The following TRRAP variants were observed in gnomAD, a reference collection of about 807,000 sequenced individuals.
The protein encoded by TRRAP is transformation/transcription domain-associated protein.
A neutral mutation model predicts 438.8 loss-of-function variants in TRRAP; 41 were observed. The ratio of observed to expected loss-of-function variants is 0.09; its 90% confidence interval spans 0.07 to 0.12. The LOEUF (loss-of-function observed/expected upper bound fraction) is 0.12. Ranked by LOEUF, TRRAP falls within the 10% of genes least tolerant of loss-of-function variation. TRRAP has a pLI of 1.00. For missense variants in TRRAP, 3,122 were observed against 5,055.1 expected, an observed-to-expected ratio of 0.62 and a Z score of 11.60; for synonymous variants, 1,994 against 1,962.9, an observed-to-expected ratio of 1.02 and a Z score of -0.42.
chr7:98,979,009 A>G (rs1792791958), intron 58 of TRRAP, 105 bp downstream of exon 58: 2 of 1,452,868 alleles, frequency 1.4e-6, no homozygotes, highest in South Asian at 2.4e-5. Flanking sequence ...TGGCAGTGGA[A>G]AGACAGCTTT....
intron 10 of TRRAP, 35 bp downstream of exon 10, chr7:98,899,802 T>C (rs1796393350): frequency 1.3e-6 from 2 of 1,599,114 alleles, no homozygotes; most frequent in East Asian, 4.5e-5. Context: ...CCACAGTGCC[T>C]GGATTCCAAG....
intron 5 of TRRAP, 100 bp downstream of exon 5, chr7:98,892,628 C>A: frequency 9.8e-7 from 1 of 1,022,698 alleles, no homozygotes; most frequent in Non-Finnish European, 1.4e-6. Context: ...TTTTATCTTT[C>A]TCCCAAATTC....
At chr7:98,958,356 G>A (rs184411194) in intron 44 of TRRAP, among the ~76,000 whole-genome samples, 10 of 151,912 alleles carry the variant, frequency 6.6e-5, no homozygotes, top group African/African-American at 2.2e-4. Context: ...AGGCTGGAGT[G>A]CAGTGGTGCG....
At chr7:99,008,990 C>G (rs1032822018) in intron 70 of TRRAP, among the ~76,000 whole-genome samples, 1 of 152,156 alleles carries the variant, frequency 6.6e-6, no homozygotes, top group African/African-American at 2.4e-5. Flanking sequence ...AGGCGATGTG[C>G]AGCATGTGTG....
Position 98,951,042 on chromosome 7 carries a change from G to A in TRRAP, c.5463+38G>A, listed in dbSNP as rs782290796. ...TGTGTGTGGGTGTGAGAAGTAGCCT[G>A]GCATGTGGATGAACATCTGTGTGTG... On this transcript the variant is annotated intron_variant, in intron 39 of 72. Transcript: ENST00000456197. The A allele has an allele frequency of 3.0e-5, 44 of 1,478,686 alleles. No individual in the cohort carries two copies. The East Asian group carries it at 1.0e-3, about 35-fold the overall frequency. 91.6% of individuals were successfully genotyped at this position (1,478,686 alleles called of 1,614,324 possible).
rs1796901125 is a variant in TRRAP, at chr7:98,908,620, G to GC, written c.1116-106dup. 3.3e-5 allele frequency: 32 copies of GC among 968,596 alleles called. 1 individual carries two copies. In the South Asian group the frequency reaches 4.3e-4, roughly 13 times the overall value. The allele number at this position is 968,596 out of a possible 1,614,324, so 60.0% of individuals were successfully genotyped here. A position where few individuals can be genotyped will look rare whatever the true frequency, so the allele number is the denominator to read the frequency against. ...TGGTGAAAATGGGCCATGTAAGTGT[G>GC]CCGACCCAGGGGTGGTGTTCCTGGG... is the stretch of plus-strand genomic sequence containing the variant. On this transcript the variant is annotated intron_variant, in intron 13 of 72. Coordinates refer to ENST00000456197, the MANE Select transcript of TRRAP (RefSeq NM_001375524.1). This position sits in a 1 kb window ranked among gnomAD's most constrained non-coding sequence, Gnocchi z 4.1.
chr7:98,996,518 G>A (rs1276626821), intron 67 of TRRAP, among the ~76,000 whole-genome samples: 1 of 152,124 alleles, frequency 6.6e-6, no homozygotes, highest in Non-Finnish European at 1.5e-5. Flanking sequence ...AGATTTGTCT[G>A]GTACAGTTTC....
chr7:98,985,846 T>C (rs1562971956), intron 62 of TRRAP, among the ~76,000 whole-genome samples: 1 of 152,220 alleles, frequency 6.6e-6, no homozygotes, highest in African/African-American at 2.4e-5. Context: ...TAGTGGGTTT[T>C]AGTATATTTA....
chr7:98,890,455 A>G lies in TRRAP; in HGVS notation c.261+10A>G, dbSNP rs1584270886. ...GGAGAAACCAGCACAGGTAATGTAA[A>G]AAAATAACATGAGAAGACAAGGGTG... On this transcript the variant is annotated intron_variant, in intron 4 of 72. Transcript: ENST00000456197. 1 of 1,555,052 alleles carries G rather than the reference A, an allele frequency of 6.4e-7. No homozygotes were observed. Among genetic ancestry groups the G allele is most frequent in the African/African-American group, 1.4e-5 (1 of 72,098 alleles).
intron 12 of TRRAP, among the ~76,000 whole-genome samples, chr7:98,904,885 C>G (rs1796651524): frequency 6.6e-6 from 1 of 152,206 alleles, no homozygotes; most frequent in African/African-American, 2.4e-5. Context: ...AAAACGTCCA[C>G]TTCCACCAAC....
At chr7:98,890,247 T>C (rs1795906133) in intron 3 of TRRAP, 88 bp from the exon 4 acceptor site, 2 of 815,966 alleles carry the variant, frequency 2.5e-6, no homozygotes, top group Non-Finnish European at 3.4e-6. Context: ...AAATGTTTTA[T>C]ATTCCTTTGC....
At chr7:98,945,853 T>G in intron 32 of TRRAP, 53 bp downstream of exon 32, 1 of 1,575,838 alleles carries the variant, frequency 6.3e-7, no homozygotes, top group Non-Finnish European at 8.5e-7. Flanking sequence ...GAAGAAAAGT[T>G]TACCTTTTCT....
At chr7:98,937,330 G>C in intron 29 of TRRAP, 53 bp downstream of exon 29, 1 of 1,575,268 alleles carries the variant, frequency 6.3e-7, no homozygotes, top group Non-Finnish European at 8.6e-7. Flanking sequence ...ACACATGTGT[G>C]TGTACTCTGC....
At chr7:98,974,585 G>A (rs1052120534) in intron 53 of TRRAP, among the ~76,000 whole-genome samples, 4 of 152,232 alleles carry the variant, frequency 2.6e-5, no homozygotes, top group East Asian at 3.9e-4. Flanking sequence ...GAGCAGGAGC[G>A]GACTGTAATC....
chr7:98,941,529 T>G (rs184706360), intron 30 of TRRAP, among the ~76,000 whole-genome samples: 3 of 152,256 alleles, frequency 2.0e-5, no homozygotes. Flanking sequence ...TATATACCCA[T>G]TAGTGTCATT....
chr7:98,912,824 A>G (rs1160427428), intron 18 of TRRAP, among the ~76,000 whole-genome samples: 1 of 152,114 alleles, frequency 6.6e-6, no homozygotes, highest in Non-Finnish European at 1.5e-5. Flanking sequence ...CAATGGTACC[A>G]GCTTTTCAGG....
chr7:98,880,262 G>GTTTTTTTTTTTTT (rs201053093), intron 1 of TRRAP, among the ~76,000 whole-genome samples: 1 of 132,108 alleles, frequency 7.6e-6, no homozygotes, highest in African/African-American at 2.9e-5. Context: ...TGTTGTTGTT[G>GTTTTTTTTTTTTT]TTTTTTTTTT....
Position 98,968,962 on chromosome 7 carries a change from T to C in TRRAP, c.7513-1150T>C, listed in dbSNP as rs1052431695. ...CAGACGACATATTGGCTGTGGCAGG[T>C]CCATGTGAATCGGTCAGGGGAAGGG... On this transcript the variant is annotated intron_variant, in intron 51 of 72. Transcript: ENST00000456197. Among the ~76,000 whole-genome samples the C allele has an allele frequency of 8.6e-5, 13 of 151,924 alleles. No individual in the cohort carries two copies. In the East Asian group the frequency reaches 2.3e-3, roughly 27 times the overall value.
intron 16 of TRRAP, 136 bp from the exon 17 acceptor site, chr7:98,910,941 A>T (rs1008338971): frequency 2.9e-6 from 2 of 689,534 alleles, no homozygotes; most frequent in African/African-American, 1.9e-5. Flanking sequence ...AGAATTTAAA[A>T]GGTTTTGGAG....
Sources: allele counts gnomAD v4.1 joint callset (sites outside exome capture counted in the v4.1 genomes callset), GRCh38; gene constraint gnomAD v4.1.1; non-coding constraint Gnocchi (gnomAD v3.1); transcripts MANE v1.5; gene names NCBI Gene and HGNC (gene_info 2026-07-23, HGNC 2026-07-21).